ZNF138: variants seen among roughly 807,000 people sequenced by gnomAD.
ZNF138 encodes zinc finger protein 138, also known as zinc finger protein 138 (clone pHZ-32).
Under a neutral mutation model 33.0 loss-of-function variants are expected in ZNF138, and 33 were observed. That is an observed-to-expected ratio of 1.00 (90% CI 0.76 to 1.34). The LOEUF (loss-of-function observed/expected upper bound fraction) is 1.34. Ranked by LOEUF, ZNF138 falls within the 40% of genes most tolerant of loss-of-function variation. ZNF138 has a pLI of 0.00. For synonymous variants in ZNF138, 139 were observed against 120.4 expected, an observed-to-expected ratio of 1.15 and a Z score of -1.01; for missense variants, 360 against 370.8, an observed-to-expected ratio of 0.97 and a Z score of 0.24.
intron 3 of ZNF138, among the ~76,000 whole-genome samples, chr7:64,825,828 C>T (rs780745463): frequency 2.6e-4 from 39 of 151,740 alleles, no homozygotes; most frequent in Non-Finnish European, 5.0e-4. Flanking sequence ...TGAGCCCCCG[C>T]GCCTGGCCAT....
At chr7:64,851,081 C>G in the ZNF138 span, among the ~76,000 whole-genome samples, 1 of 152,012 alleles carries the variant, frequency 6.6e-6, no homozygotes, top group Admixed American at 6.6e-5. Context: ...ACTTGCTTAC[C>G]TATCATTTTT....
intron 1 of ZNF138, among the ~76,000 whole-genome samples, chr7:64,809,300 A>C (rs1397401072): frequency 0.33 from 232 of 696 alleles, 104 homozygotes; most frequent in East Asian, 1. Context: ...GGGCGGCTGG[A>C]GGGGCGGGGG....
the ZNF138 span, among the ~76,000 whole-genome samples, chr7:64,847,586 C>G: frequency 0.51 from 77,400 of 151,642 alleles, 20,211 homozygotes; most frequent in South Asian, 0.66. Context: ...TTGAACAAGG[C>G]CTTTTATTAT....
At chr7:64,794,926 T>C (rs1025536155) in intron 1 of ZNF138, among the ~76,000 whole-genome samples, 1 of 152,132 alleles carries the variant, frequency 6.6e-6, no homozygotes, top group Non-Finnish European at 1.5e-5. Context: ...CTCCGCGGGC[T>C]TCCCTGTCCC....
chr7:64,823,401 T>A (rs143981758), intron 3 of ZNF138, among the ~76,000 whole-genome samples: 124 of 152,154 alleles, frequency 8.1e-4, no homozygotes, highest in Non-Finnish European at 1.5e-3. Context: ...AGTGGCATAC[T>A]TTTGGCTCAC....
intron 1 of ZNF138, among the ~76,000 whole-genome samples, chr7:64,814,550 A>G (rs2129001024): frequency 6.6e-6 from 1 of 152,256 alleles, no homozygotes; most frequent in Non-Finnish European, 1.5e-5. Flanking sequence ...GTGGATCACG[A>G]GGTCAGGAGT....
At chr7:64,818,222 G>A (rs998861329) in intron 3 of ZNF138, among the ~76,000 whole-genome samples, 1 of 151,870 alleles carries the variant, frequency 6.6e-6, no homozygotes, top group Non-Finnish European at 1.5e-5. Flanking sequence ...CTGATCTCAA[G>A]TAGTCCCCCC....
rs1437074258 is a variant in ZNF138, at chr7:64,832,103, C to G, written c.861C>G (p.Val287=). The G allele has an allele frequency of 6.2e-7, 1 of 1,613,480 alleles. No homozygotes were observed. The change falls in exon 4 of 4, where the codon GTC becomes GTG. Residue 287 remains valine (V), a synonymous_variant. Coordinates refer to ENST00000307355, the MANE Select transcript of ZNF138 (RefSeq NM_001271639.2). The part of the protein sequence containing the change: ...KPYKCEQCGK[V]FKQSPTLTKH... ...ACAAATGTGAACAATGTGGCAAGGT[C>G]TTTAAGCAGTCCCCAACCCTTACTA...
At chr7:64,858,167 T>C in the ZNF138 span, among the ~76,000 whole-genome samples, 1 of 152,004 alleles carries the variant, frequency 6.6e-6, no homozygotes, top group Admixed American at 6.5e-5. Flanking sequence ...TTGCTTAAAA[T>C]ACATTAGCTT....
rs745490374 is a variant in ZNF138, at chr7:64,831,784, G to A, written c.542G>A (p.Arg181His). The change falls in exon 4 of 4, where the codon CGC becomes CAC. Residue 181 changes from arginine to histidine, a missense_variant. Coordinates refer to ENST00000307355, the MANE Select transcript of ZNF138 (RefSeq NM_001271639.2). Reference sequence around the variant, plus strand: ...GACAAATCACTTTGCATGCTTTCACGCCTAACTCAACATAAAAAAATTCAT... The same window carrying A: ...GACAAATCACTTTGCATGCTTTCACACCTAACTCAACATAAAAAAATTCAT... Reference protein sequence around the residue: ...ECDKSLCMLSRLTQHKKIHTR... With the variant: ...ECDKSLCMLSHLTQHKKIHTR... The A allele has an allele frequency of 9.9e-6, 16 of 1,613,362 alleles. No individual in the cohort carries two copies. Among genetic ancestry groups the A allele is most frequent in the East Asian group, 2.2e-5 (1 of 44,852 alleles).
chr7:64,858,518 A>G, the ZNF138 span, among the ~76,000 whole-genome samples: 1 of 152,228 alleles, frequency 6.6e-6, no homozygotes, highest in Non-Finnish European at 1.5e-5. Context: ...TTTAACAAAT[A>G]TATTATTCCT....
the ZNF138 span, among the ~76,000 whole-genome samples, chr7:64,844,790 G>A: frequency 3.2e-4 from 49 of 151,988 alleles, 1 homozygote; most frequent in Admixed American, 2.2e-3. Context: ...GGGTTCAAGT[G>A]ATTCTCCTGC....
At chr7:64,809,668 G>C (rs1191453445) in intron 1 of ZNF138, among the ~76,000 whole-genome samples, 2 of 149,564 alleles carry the variant, frequency 1.3e-5, no homozygotes, top group Admixed American at 1.3e-4. Context: ...AGATGGGGCT[G>C]CTGCCGGGCG....
chr7:64,853,195 G>A, the ZNF138 span: 1 of 1,597,074 alleles, frequency 6.3e-7, no homozygotes, highest in Non-Finnish European at 8.6e-7. Context: ...CCCAGAAACT[G>A]CTCATCTTCT....
the ZNF138 span, chr7:64,853,433 C>G: frequency 2.7e-6 from 2 of 745,138 alleles, no homozygotes; most frequent in South Asian, 2.0e-5. Flanking sequence ...ATGGATCCAC[C>G]GGCTCGCTTT....
the ZNF138 span, among the ~76,000 whole-genome samples, chr7:64,843,834 T>TG: frequency 2.0e-5 from 3 of 151,852 alleles, no homozygotes; most frequent in African/African-American, 7.3e-5. Context: ...TTTTTTTATT[T>TG]TTTTGTTTTT....
chr7:64,803,320 T>G (rs1342165446), intron 1 of ZNF138, among the ~76,000 whole-genome samples: 1 of 151,286 alleles, frequency 6.6e-6, no homozygotes, highest in Non-Finnish European at 1.5e-5. Flanking sequence ...TTTGTTTAGA[T>G]TAAAGCTCAT....
chr7:64,794,494 C>G lies in ZNF138; in HGVS notation c.-75C>G. 6.2e-7 allele frequency: 1 copy of G among 1,603,946 alleles called. No homozygotes were observed. The highest frequency in any genetic ancestry group is 8.5e-7 in the Non-Finnish European group (1 of 1,172,494). Reference sequence around the variant, plus strand: ...CTGCGTCCTCTTACTCCTAGAGGCCCAGCCTCTGTGGCGCTGTGATCTGGT... The same window carrying G: ...CTGCGTCCTCTTACTCCTAGAGGCCGAGCCTCTGTGGCGCTGTGATCTGGT... On this transcript the variant is annotated 5_prime_UTR_variant, in exon 1 of 4. Transcript: ENST00000307355.
intron 1 of ZNF138, among the ~76,000 whole-genome samples, chr7:64,812,306 T>G (rs986411712): frequency 2.3e-4 from 1 of 4,300 alleles, no homozygotes; most frequent in Admixed American, 6.2e-3. Context: ...CTACAGGTAT[T>G]CACCACACGC....
Sources: allele counts gnomAD v4.1 joint callset (sites outside exome capture counted in the v4.1 genomes callset), GRCh38; gene constraint gnomAD v4.1.1; transcripts MANE v1.5; gene names NCBI Gene and HGNC (gene_info 2026-07-23, HGNC 2026-07-21).